RTN3: variants seen among roughly 807,000 people sequenced by gnomAD.
The protein encoded by RTN3 is reticulon 3.
In RTN3, 49 loss-of-function variants were observed where a neutral mutation model predicts 77.8. The ratio of observed to expected loss-of-function variants is 0.63; its 90% CI spans 0.50 to 0.80. RTN3 has a LOEUF of 0.80. Among genes scored for constraint, RTN3 ranks in the 30% least tolerant of loss-of-function variants. RTN3 has a pLI of 0.00. For synonymous variants in RTN3, 464 were observed against 446.9 expected (o/e 1.04, Z -0.48); for missense variants, 1,236 against 1,211.9 (o/e 1.02, Z -0.29).
Position 63,688,580 on chromosome 11 carries a change from A to G in RTN3, c.142+6802A>G, listed in dbSNP as rs565371062. ...TGTCAAATTCACAAGTAATGGAACC[A>G]CTCTGATCAAATTAAACAACCAATC... On this transcript the variant is annotated intron_variant, in intron 1 of 8. Transcript: ENST00000377819. Among the ~76,000 whole-genome samples, 14 of 151,872 alleles carry G rather than the reference A, an allele frequency of 9.2e-5. No homozygotes were observed. The South Asian group carries it at 2.5e-3, about 27-fold the overall frequency.
At chr11:63,740,090 T>A (rs2135006558) in intron 3 of RTN3, among the ~76,000 whole-genome samples, 1 of 152,302 alleles carries the variant, frequency 6.6e-6, no homozygotes, top group South Asian at 2.1e-4. Flanking sequence ...TCTATGTTGG[T>A]CTGGTCTGCC....
intron 3 of RTN3, 63 bp from the exon 4 acceptor site, chr11:63,749,928 G>T (rs761662724): frequency 1.7e-6 from 2 of 1,199,920 alleles, no homozygotes; most frequent in Non-Finnish European, 2.4e-6. Context: ...AGGCTCCACA[G>T]GTATGCAAGA....
chr11:63,754,699 C>CA lies in RTN3; in HGVS notation c.2994+1010dup, dbSNP rs35847577. Among the ~76,000 whole-genome samples the CA allele has an allele frequency of 1.2e-3, 57 of 48,808 alleles. 3 individuals are homozygous for CA. Among genetic ancestry groups the CA allele is most frequent in the African/African-American group, 3.7e-3 (48 of 12,968 alleles). The allele number at this position is 48,808 out of a possible 152,430, so 32.0% of individuals were successfully genotyped here. A position where few individuals can be genotyped will look rare whatever the true frequency, so the allele number is the denominator to read the frequency against. ...TGGATGACAGAGCAAGACTCCATCT[C>CA]AAAAAAAAAAAAAAAAAAACGCTTA... On this transcript the variant is annotated intron_variant, in intron 7 of 8. Transcript: ENST00000377819.
intron 1 of RTN3, among the ~76,000 whole-genome samples, chr11:63,690,438 A>T (rs1380125859): frequency 1.3e-5 from 2 of 152,212 alleles, no homozygotes; most frequent in Non-Finnish European, 2.9e-5. Flanking sequence ...TAAATAAAAT[A>T]TAGATCATTC....
intron 1 of RTN3, among the ~76,000 whole-genome samples, chr11:63,691,278 G>A (rs1941643872): frequency 6.6e-6 from 1 of 152,026 alleles, no homozygotes; most frequent in South Asian, 2.1e-4. Flanking sequence ...GTGCCACCAT[G>A]CCCAGCTAAT....
At chr11:63,722,177 C>T (rs1210495384) in intron 3 of RTN3, among the ~76,000 whole-genome samples, 1 of 152,136 alleles carries the variant, frequency 6.6e-6, no homozygotes, top group Non-Finnish European at 1.5e-5. Context: ...AGTTTTACAT[C>T]TACTGTATGG....
In RTN3 at chr11:63,758,810, A is replaced by G. The variant is rs1045302453; in HGVS notation, c.*609A>G. 1 of 154,794 alleles carries G rather than the reference A, an allele frequency of 6.5e-6. No homozygotes were observed. Among genetic ancestry groups the G allele is most frequent in the African/African-American group, 2.4e-5 (1 of 41,544 alleles). 9.6% of individuals were successfully genotyped at this position (154,794 alleles called of 1,614,324 possible). A position where few individuals can be genotyped will look rare whatever the true frequency, so the allele number is the denominator to read the frequency against. ...GATTCCAAGAATGCCATCTGATAAA[A>G]AAGAATAGAAATGGAAAGTGGGACT... On this transcript the variant is annotated 3_prime_UTR_variant, in exon 9 of 9. Transcript: ENST00000377819.
rs35837590 is a variant in RTN3, at chr11:63,683,943, C to CTTTTT, written c.142+2190_142+2194dup. Among the ~76,000 whole-genome samples the CTTTTT allele has an allele frequency of 4.5e-3, 263 of 58,954 alleles. 9 individuals carry two copies. The highest frequency in any genetic ancestry group is 8.2e-3 in the African/African-American group (109 of 13,356). The allele number at this position is 58,954 out of a possible 152,430, so 38.7% of individuals were successfully genotyped here. On this transcript the variant is annotated intron_variant, in intron 1 of 8. Coordinates refer to ENST00000377819, the MANE Select transcript of RTN3 (RefSeq NM_001265589.2). ...TATTTCTTTCTCTTTTCTTTTCTTT[C>CTTTTT]TTTTTTTTTTTTTTTTTTTTTTTTT...
At chr11:63,739,280 A>C (rs894983715) in intron 3 of RTN3, among the ~76,000 whole-genome samples, 7 of 152,330 alleles carry the variant, frequency 4.6e-5, no homozygotes, top group African/African-American at 1.4e-4. Context: ...AAGTGATATG[A>C]TATTAAAGAT....
chr11:63,750,455 CTTT>C (rs200090732), intron 4 of RTN3: 587 of 294,482 alleles, frequency 2.0e-3, no homozygotes, highest in East Asian at 3.1e-3. Flanking sequence ...ACTCTAAATT[CTTT>C]TTTTTTTTTT....
rs1942419822 is a variant in RTN3, at chr11:63,704,841, T to G, written c.143-10T>G. 1 of 1,601,280 alleles carries G rather than the reference T, an allele frequency of 6.2e-7. No individual in the cohort carries two copies. The highest frequency in any genetic ancestry group is 1.3e-5 in the African/African-American group (1 of 74,792). ...GTTGTCATATTCTCATGCTGTATAT[T>G]TTCTTTCAGATTCCTTTGTTTCTTC... On this transcript the variant is annotated splice_polypyrimidine_tract_variant and intron_variant, in intron 1 of 8. Coordinates refer to ENST00000377819, the MANE Select transcript of RTN3 (RefSeq NM_001265589.2).
At chr11:63,752,673 T>A in intron 5 of RTN3, 28 bp downstream of exon 5, 1 of 1,606,368 alleles carries the variant, frequency 6.2e-7, no homozygotes, top group Admixed American at 1.7e-5. Context: ...CTCTTGGTGG[T>A]AAAACAGAAA....
At position 63,737,956 on chromosome 11, in the gene RTN3, G is replaced by A. The variant is rs916201890; in HGVS notation, c.2531-12035G>A. 2.2e-4 allele frequency among the ~76,000 whole-genome samples: 34 copies of A among 152,250 alleles called. 1 individual carries two copies. Among genetic ancestry groups the A allele is most frequent in the Admixed American group, 1.0e-3 (16 of 15,276 alleles). ...CCTTTTGAGGGGGTGGATTTCCTTGGTTAAGGATAAATCTGTAGCAGAGCA... is the reference window on the plus strand; with the variant it reads ...CCTTTTGAGGGGGTGGATTTCCTTGATTAAGGATAAATCTGTAGCAGAGCA... On this transcript the variant is annotated intron_variant, in intron 3 of 8. Transcript: ENST00000377819.
chr11:63,707,894 G>A (rs1243881718), intron 2 of RTN3, among the ~76,000 whole-genome samples: 1 of 152,142 alleles, frequency 6.6e-6, no homozygotes, highest in African/African-American at 2.4e-5. Context: ...ACCTATATTA[G>A]TAGCATTTTC....
At chr11:63,722,559 A>G (rs1478770232) in intron 3 of RTN3, among the ~76,000 whole-genome samples, 1 of 152,212 alleles carries the variant, frequency 6.6e-6, no homozygotes, top group African/African-American at 2.4e-5. Flanking sequence ...TATTTGTTGA[A>G]TGAATGATAT....
At chr11:63,754,373 G>A (rs901839110) in intron 7 of RTN3, among the ~76,000 whole-genome samples, 1 of 152,014 alleles carries the variant, frequency 6.6e-6, no homozygotes, top group Non-Finnish European at 1.5e-5. Flanking sequence ...GGCCAACATG[G>A]TAAAACTTCA....
chr11:63,703,834 G>A (rs1203010751), intron 1 of RTN3, among the ~76,000 whole-genome samples: 2 of 151,936 alleles, frequency 1.3e-5, no homozygotes, highest in Non-Finnish European at 2.9e-5. Context: ...GAGCCACCAC[G>A]CCTGGCAACA....
intron 1 of RTN3, among the ~76,000 whole-genome samples, chr11:63,694,237 C>A (rs957664224): frequency 3.3e-5 from 5 of 151,462 alleles, no homozygotes; most frequent in Admixed American, 1.3e-4. Context: ...AGTGCAATGG[C>A]GTGATCTCGG....
chr11:63,704,126 T>C (rs1416842697), intron 1 of RTN3, among the ~76,000 whole-genome samples: 2 of 151,740 alleles, frequency 1.3e-5, no homozygotes, highest in African/African-American at 4.8e-5. Context: ...CCTCAGCTTC[T>C]TGAGTAGCTG....
Sources: gnomAD v4.1 joint callset for allele counts (sites outside exome capture counted in the v4.1 genomes callset) on GRCh38, gnomAD v4.1.1 for gene constraint, MANE v1.5 for transcripts, NCBI Gene and HGNC (gene_info 2026-07-23, HGNC 2026-07-21) for gene names.